The following PCDH9 variants were observed in gnomAD, a reference collection of about 807,000 sequenced individuals.
PCDH9 encodes the protein protocadherin 9.
In PCDH9, 24 loss-of-function variants were observed where a neutral mutation model predicts 70.6. The observed-to-expected ratio is 0.34, with a 90% CI of 0.25 to 0.48. PCDH9 has a LOEUF of 0.48. Among genes scored for constraint, PCDH9 ranks in the 20% least tolerant of loss-of-function variants. The pLI is 0.99. For missense variants in PCDH9, 1,281 were observed against 1,503.6 expected (o/e 0.85, Z 2.45); for synonymous variants, 562 against 558.5 (o/e 1.01, Z -0.09).
chr13:67,140,026 C>CCT, intron 2 of PCDH9, among the ~76,000 whole-genome samples: 2 of 18,984 alleles, frequency 1.1e-4, no homozygotes, highest in Non-Finnish European at 2.1e-4. Context: ...TTTTTGATCA[C>CCT]CCCCCCCCCC....
At chr13:67,165,698 C>T (rs1348729627) in intron 2 of PCDH9, among the ~76,000 whole-genome samples, 1 of 151,978 alleles carries the variant, frequency 6.6e-6, no homozygotes, top group African/African-American at 2.4e-5. Context: ...TTTTTGGAAC[C>T]TAAGTCAATT....
At chr13:66,557,531 C>G (rs1363812145) in intron 4 of PCDH9, among the ~76,000 whole-genome samples, 1 of 152,094 alleles carries the variant, frequency 6.6e-6, no homozygotes, top group Non-Finnish European at 1.5e-5. Flanking sequence ...TAGAAATCAT[C>G]ATGTACATAA....
chr13:67,048,056 C>T (rs891541017), intron 2 of PCDH9, among the ~76,000 whole-genome samples: 1 of 152,148 alleles, frequency 6.6e-6, no homozygotes, highest in Non-Finnish European at 1.5e-5. Flanking sequence ...ACATGTGTTG[C>T]CCACTGGCTG....
chr13:66,542,325 AG>A (rs1397979506), intron 4 of PCDH9, among the ~76,000 whole-genome samples: 1 of 152,142 alleles, frequency 6.6e-6, no homozygotes, highest in Non-Finnish European at 1.5e-5. Flanking sequence ...TATAGCACCC[AG>A]TTATGCAATC....
At chr13:66,612,354 A>G (rs2077303110) in intron 4 of PCDH9, among the ~76,000 whole-genome samples, 1 of 152,220 alleles carries the variant, frequency 6.6e-6, no homozygotes, top group Non-Finnish European at 1.5e-5. Flanking sequence ...AATCAGTGAA[A>G]GACCAATGGT....
Position 66,331,541 on chromosome 13 carries a change from A to T in PCDH9, c.3341-26513T>A, listed in dbSNP as rs565660611. Among the ~76,000 whole-genome samples, 6 of 152,300 alleles carry T rather than the reference A, an allele frequency of 3.9e-5. No homozygotes were observed. The South Asian group carries it at 1.2e-3, about 32-fold the overall frequency. On this transcript the variant is annotated intron_variant, in intron 4 of 4. Transcript: ENST00000377865. ...CTTCTCTGAGGATTTGGTGAAATAA[A>T]TTTTTAAGTAATATAAAATGGCCCA...
At chr13:66,635,977 T>C (rs1395297106) in intron 3 of PCDH9, among the ~76,000 whole-genome samples, 1 of 152,148 alleles carries the variant, frequency 6.6e-6, no homozygotes, top group Non-Finnish European at 1.5e-5. Context: ...GTTATGTCAA[T>C]TAATATGTAT....
chr13:66,634,087 G>A (rs1459065710), intron 3 of PCDH9, among the ~76,000 whole-genome samples: 6 of 152,130 alleles, frequency 3.9e-5, no homozygotes, highest in Non-Finnish European at 5.9e-5. Context: ...TAAGAAAAAT[G>A]TAAATTTACT....
At chr13:66,612,414 A>G (rs1169957869) in intron 4 of PCDH9, among the ~76,000 whole-genome samples, 1 of 152,234 alleles carries the variant, frequency 6.6e-6, no homozygotes, top group Non-Finnish European at 1.5e-5. Flanking sequence ...AGTGTTAAAT[A>G]TATAAGCAAA....
intron 4 of PCDH9, among the ~76,000 whole-genome samples, chr13:66,535,741 T>A (rs1593637290): frequency 6.6e-6 from 1 of 152,104 alleles, no homozygotes; most frequent in Non-Finnish European, 1.5e-5. Context: ...ATCCCTCTTC[T>A]TTTATGTTCA....
At chr13:66,320,392 G>A (rs1955732648) in intron 4 of PCDH9, among the ~76,000 whole-genome samples, 1 of 151,980 alleles carries the variant, frequency 6.6e-6, no homozygotes, top group Admixed American at 6.6e-5. Context: ...TGCTTAGGAT[G>A]TCAGTCTGTT....
intron 2 of PCDH9, among the ~76,000 whole-genome samples, chr13:66,941,234 C>T (rs191329086): frequency 2.0e-5 from 3 of 150,832 alleles, no homozygotes; most frequent in Admixed American, 2.0e-4. Context: ...ACTATAAACC[C>T]TAAAGCAACC....
intron 4 of PCDH9, among the ~76,000 whole-genome samples, chr13:66,495,049 G>A (rs778842793): frequency 2.0e-5 from 3 of 151,878 alleles, no homozygotes; most frequent in Non-Finnish European, 2.9e-5. Context: ...GAAGAACAAG[G>A]AGTTAAAAAC....
chr13:66,317,051 C>A (rs1159270517), intron 4 of PCDH9, among the ~76,000 whole-genome samples: 3 of 152,228 alleles, frequency 2.0e-5, no homozygotes, highest in African/African-American at 7.2e-5. Flanking sequence ...TGATAGCACT[C>A]ATCACTACCT....
intron 3 of PCDH9, among the ~76,000 whole-genome samples, chr13:66,893,099 G>T (rs1178336900): frequency 2.6e-5 from 4 of 151,930 alleles, no homozygotes; most frequent in African/African-American, 9.7e-5. Flanking sequence ...CAAGTGAGTG[G>T]GTTAAACAAA....
intron 4 of PCDH9, among the ~76,000 whole-genome samples, chr13:66,560,309 G>T (rs1374391186): frequency 6.6e-6 from 1 of 152,054 alleles, no homozygotes; most frequent in Non-Finnish European, 1.5e-5. Context: ...TGCATGGGAA[G>T]GGGGAGGGGT....
chr13:67,225,245 T>C (rs2089825986), intron 2 of PCDH9, 160 bp downstream of exon 2: 1 of 1,274,400 alleles, frequency 7.8e-7, no homozygotes, highest in Non-Finnish European at 1.0e-6. Context: ...TAAAAATTCT[T>C]GACTGAGCCC....
At chr13:66,798,577 G>A (rs1416163944) in intron 3 of PCDH9, among the ~76,000 whole-genome samples, 1 of 152,120 alleles carries the variant, frequency 6.6e-6, no homozygotes, top group African/African-American at 2.4e-5. Context: ...GAGTTATCCT[G>A]GAGGAAAGTT....
At position 66,631,331 on chromosome 13, in the gene PCDH9, C is replaced by T. The variant is rs143689859; in HGVS notation, c.3219G>A (p.Pro1073=). 5.4e-5 allele frequency: 87 copies of T among 1,607,028 alleles called. No homozygotes were observed. Among genetic ancestry groups the T allele is most frequent in the Middle Eastern group, 3.3e-4 (2 of 6,072 alleles). ...CSDSGLGDHE[P]VGSGTLISHP... ...GTGAGATCAGGGTTCCACTACCCACCGGCTCATGGTCTCCTAGACCACTGT... is the reference window on the plus strand; with the variant it reads ...GTGAGATCAGGGTTCCACTACCCACTGGCTCATGGTCTCCTAGACCACTGT... The change falls in exon 4 of 5, where the codon CCG becomes CCA. Residue 1073 remains proline, a synonymous_variant. Transcript: ENST00000377865.
Sources: gnomAD v4.1 joint callset for allele counts (sites outside exome capture counted in the v4.1 genomes callset) on GRCh38, gnomAD v4.1.1 for gene constraint, MANE v1.5 for transcripts, NCBI Gene and HGNC (gene_info 2026-07-23, HGNC 2026-07-21) for gene names.